The following DSC1 variants were observed in gnomAD, a reference collection of about 807,000 sequenced individuals.
The protein encoded by DSC1 is desmocollin 1, also known as desmocollin-1.
In DSC1, 79 loss-of-function variants were observed where a neutral mutation model predicts 98.8. The ratio of observed to expected loss-of-function variants is 0.80; its 90% CI spans 0.67 to 0.96. DSC1 has a LOEUF of 0.96. DSC1 is among the 50% of genes least tolerant of loss of function. The probability of loss-of-function intolerance (pLI) is 0.00; values close to 1 mark genes in which losing one functional copy is unlikely to be tolerated. For synonymous variants in DSC1, 405 were observed against 372.1 expected (o/e 1.09, Z -1.02); for missense variants, 1,115 against 1,075.9 (o/e 1.04, Z -0.51).
At chr18:31,139,651 G>T (rs1988686260) in intron 11 of DSC1, 97 bp downstream of exon 11, 3 of 1,236,280 alleles carry the variant, frequency 2.4e-6, no homozygotes, top group South Asian at 1.9e-5. Context: ...AACATTGCTT[G>T]AATTATGTTT....
Position 31,130,395 on chromosome 18 carries a change from A to T in DSC1, c.*119T>A. 9.8e-7 allele frequency: 1 copy of T among 1,022,212 alleles called. No individual in the cohort carries two copies. The highest frequency in any genetic ancestry group is 1.5e-6 in the Non-Finnish European group (1 of 681,516). The allele number at this position is 1,022,212 out of a possible 1,614,324, so 63.3% of individuals were successfully genotyped here. A position where few individuals can be genotyped will look rare whatever the true frequency, so the allele number is the denominator to read the frequency against. On this transcript the variant is annotated 3_prime_UTR_variant, in exon 16 of 16. Transcript: ENST00000257198. ...GGAATCTCATATTTATAGTACCCTTACCTATACATGACAAAGTTTACCTCC... is the reference window on the plus strand; with the variant it reads ...GGAATCTCATATTTATAGTACCCTTTCCTATACATGACAAAGTTTACCTCC...
intron 4 of DSC1, among the ~76,000 whole-genome samples, chr18:31,155,544 C>T (rs777569704): frequency 1.2e-4 from 19 of 152,096 alleles, no homozygotes; most frequent in Non-Finnish European, 2.6e-4. Context: ...GCAGGAGAAT[C>T]GCTTGAACCC....
rs573969271 is a variant in DSC1 at position 31,158,630 on chromosome 18, T to C, written c.148+815A>G. Among the ~76,000 whole-genome samples, 25 of 152,304 alleles carry C rather than the reference T, an allele frequency of 1.6e-4. No homozygotes were observed. In the Middle Eastern group the frequency reaches 0.014, roughly 83 times the overall value. On this transcript the variant is annotated intron_variant, in intron 2 of 15. Coordinates refer to ENST00000257198, the MANE Select transcript of DSC1 (RefSeq NM_024421.2). ...GAACAACCAACTTATACTTCAGAGA[T>C]GGCTATGGTACTAAGACCCACCAAA...
chr18:31,157,037 A>G (rs1031576628), intron 3 of DSC1, among the ~76,000 whole-genome samples: 3 of 152,160 alleles, frequency 2.0e-5, no homozygotes, highest in Non-Finnish European at 4.4e-5. Flanking sequence ...CTCCAGCCTG[A>G]ATCACATTTC....
At chr18:31,156,267 C>A in intron 3 of DSC1, 105 bp from the exon 4 acceptor site, 3 of 1,365,732 alleles carry the variant, frequency 2.2e-6, no homozygotes, top group African/African-American at 1.5e-5. Context: ...TTACACATTA[C>A]AATATCATGG....
At chr18:31,150,418 ACT>A (rs1283306461) in intron 5 of DSC1, among the ~76,000 whole-genome samples, 2 of 120,712 alleles carry the variant, frequency 1.7e-5, no homozygotes, top group Non-Finnish European at 3.6e-5. Context: ...CCACATCATC[ACT>A]GCTACCACTA....
chr18:31,130,141 G>A lies in DSC1; in HGVS notation c.*373C>T, dbSNP rs533760313. ...AGATTTTGAAGAACATATTTAATTC[G>A]TACATCTACAATGCAAATTCATCTT... is the stretch of plus-strand genomic sequence containing the variant. On this transcript the variant is annotated 3_prime_UTR_variant, in exon 16 of 16. Coordinates refer to ENST00000257198, the MANE Select transcript of DSC1 (RefSeq NM_024421.2). The A allele has an allele frequency of 3.4e-5, 6 of 176,642 alleles. No homozygotes were observed. Among genetic ancestry groups the A allele is most frequent in the African/African-American group, 4.8e-5 (2 of 41,990 alleles). 10.9% of individuals were successfully genotyped at this position (176,642 alleles called of 1,614,324 possible).
intron 6 of DSC1, among the ~76,000 whole-genome samples, chr18:31,148,195 C>A (rs760485245): frequency 4.6e-5 from 7 of 152,064 alleles, no homozygotes; most frequent in Non-Finnish European, 8.8e-5. Flanking sequence ...AACAACCCCA[C>A]CCTGGAGAGA....
Position 31,142,026 on chromosome 18 carries a change from T to A in DSC1, c.1233A>T (p.Thr411=). 6.2e-7 allele frequency: 1 copy of A among 1,607,686 alleles called. No individual in the cohort carries two copies. Among genetic ancestry groups the A allele is most frequent in the Non-Finnish European group, 8.5e-7 (1 of 1,178,686 alleles). ...TGACAACACACAGCACTCCTTCATT[T>A]GTATTTGGATCTGTGCTAATTATGA... ...GNFIISTDPN[T]NEGVLCVVKP... is the part of the protein sequence containing the mutation. Residue 411 remains threonine, a synonymous_variant, in exon 9 of 16, where the codon ACA becomes ACT. Transcript: ENST00000257198.
At chr18:31,140,349 A>C in intron 9 of DSC1, 48 bp from the exon 10 acceptor site, 2 of 1,498,924 alleles carry the variant, frequency 1.3e-6, no homozygotes, top group Non-Finnish European at 1.8e-6. Context: ...CATTATATAT[A>C]AGACTTCTAA....
At position 31,130,734 on chromosome 18, in the gene DSC1, T is replaced by C. The variant is rs754787356; in HGVS notation, c.2488-23A>G. On this transcript the variant is annotated intron_variant, in intron 15 of 15. Transcript: ENST00000257198. ...CTTCTGTATCAAAAAAGAGCACATT[T>C]TATTATTTTTTAAAAAACACCTAAA... 51 of 1,612,448 alleles carry C rather than the reference T, an allele frequency of 3.2e-5. No individual in the cohort carries two copies. The South Asian group carries it at 5.3e-4, about 17-fold the overall frequency.
chr18:31,157,660 T>C (rs1989126901), intron 2 of DSC1, 87 bp from the exon 3 acceptor site: 2 of 1,429,772 alleles, frequency 1.4e-6, no homozygotes, highest in Admixed American at 3.6e-5. Context: ...AGTTAATGCA[T>C]GAGAAGCAGA....
chr18:31,147,419 A>T (rs1458553378), intron 6 of DSC1, among the ~76,000 whole-genome samples: 1 of 152,178 alleles, frequency 6.6e-6, no homozygotes, highest in Non-Finnish European at 1.5e-5. Context: ...CTAACCAGTT[A>T]GTAACTTTAT....
chr18:31,157,326 G>C, intron 3 of DSC1, 45 bp downstream of exon 3: 1 of 1,577,700 alleles, frequency 6.3e-7, no homozygotes. Context: ...AAGGACTCCC[G>C]TAAGCATATT....
intron 14 of DSC1, 197 bp downstream of exon 14, chr18:31,132,371 A>G (rs1988513434): frequency 6.9e-6 from 4 of 583,744 alleles, no homozygotes; most frequent in Non-Finnish European, 1.1e-5. Context: ...TGTTTAAGTC[A>G]CTCAGTTTGT....
At chr18:31,140,348 T>C in intron 9 of DSC1, 47 bp from the exon 10 acceptor site, 3 of 1,517,164 alleles carry the variant, frequency 2.0e-6, no homozygotes, top group Non-Finnish European at 2.7e-6. Context: ...ACATTATATA[T>C]AAGACTTCTA....
At chr18:31,130,766 A>C in intron 15 of DSC1, 55 bp from the exon 16 acceptor site, 1 of 1,612,006 alleles carries the variant, frequency 6.2e-7, no homozygotes. Flanking sequence ...TAAACATATT[A>C]GCAGAAAAAT....
rs771526982 is a variant in DSC1 at position 31,130,613 on chromosome 18, T to A, written c.2586A>T (p.Val862=). The change falls in exon 16 of 16, where the codon GTA becomes GTT. Residue 862 remains valine, a synonymous_variant. Transcript: ENST00000257198. ...CTTCCTGCCGATCGCTGCAGCAACC[T>A]ACTGAGCCGGCCAGAGAACCTTTGC... is the stretch of plus-strand genomic sequence containing the variant. ...YEGKGSLAGS[V]GCCSDRQEEE... 1.9e-6 allele frequency: 3 copies of A among 1,614,090 alleles called. No homozygotes were observed. In the African/African-American group the frequency reaches 4.0e-5, roughly 22 times the overall value.
Position 31,156,102 on chromosome 18 carries a change from G to A in DSC1, c.412C>T (p.Pro138Ser). Residue 138 changes from proline to serine, a missense_variant, in exon 4 of 16, where the codon CCT (proline) becomes TCT (serine). Pro to Ser is a moderately conservative substitution (Grantham distance 74). Coordinates refer to ENST00000257198, the MANE Select transcript of DSC1 (RefSeq NM_024421.2). ...TTCTCCATCAATGAAGCTGGAATAG[G>A]AGCCCATCGTCTCTTGCTGCGCTTG... ...ALKRSKRRWA[P>S]IPASLMENSL... 1.2e-6 allele frequency: 2 copies of A among 1,614,138 alleles called. No homozygotes were observed. Among genetic ancestry groups the A allele is most frequent in the East Asian group, 2.2e-5 (1 of 44,862 alleles).
Sources: allele counts gnomAD v4.1 joint callset (sites outside exome capture counted in the v4.1 genomes callset), GRCh38; gene constraint gnomAD v4.1.1; transcripts MANE v1.5; gene names NCBI Gene and HGNC (gene_info 2026-07-23, HGNC 2026-07-21).